Variants in PEX14 observed in about 807,000 individuals in gnomAD.
PEX14 encodes peroxisomal membrane protein PEX14.
A neutral mutation model predicts 49.5 loss-of-function variants in PEX14; 15 were observed. The observed-to-expected ratio is 0.30, with a 90% confidence interval of 0.20 to 0.47. PEX14 has a LOEUF of 0.47. PEX14 is among the 20% of genes least tolerant of loss of function. The probability of loss-of-function intolerance (pLI) is 1.00; values close to 1 mark genes in which losing one functional copy is unlikely to be tolerated. For missense variants in PEX14, 398 were observed against 494.8 expected (o/e 0.80, Z 1.86); for synonymous variants, 210 against 212.7 (o/e 0.99, Z 0.11).
chr1:10,563,684 G>C (rs1639719262), intron 3 of PEX14, among the ~76,000 whole-genome samples: 1 of 152,126 alleles, frequency 6.6e-6, no homozygotes, highest in Non-Finnish European at 1.5e-5. Flanking sequence ...CAGCACCTTG[G>C]GAGGCCGAGG....
At chr1:10,625,769 T>C (rs1435042884) in intron 7 of PEX14, among the ~76,000 whole-genome samples, 1 of 152,256 alleles carries the variant, frequency 6.6e-6, no homozygotes, top group Non-Finnish European at 1.5e-5. Context: ...GAAAACTGTT[T>C]TCAGGCCTTA....
intron 2 of PEX14, among the ~76,000 whole-genome samples, chr1:10,508,923 G>A (rs1641836248): frequency 6.6e-6 from 1 of 150,986 alleles, no homozygotes; most frequent in Non-Finnish European, 1.5e-5. Flanking sequence ...TGGCATTCCT[G>A]AAAGACAAAG....
chr1:10,576,866 C>T (rs966823950), intron 3 of PEX14, among the ~76,000 whole-genome samples: 2 of 151,712 alleles, frequency 1.3e-5, no homozygotes, highest in Non-Finnish European at 2.9e-5. Flanking sequence ...AAGTGATTCT[C>T]CTGCCTCTGC....
intron 5 of PEX14, among the ~76,000 whole-genome samples, chr1:10,621,471 C>T (rs1455391236): frequency 1.3e-5 from 2 of 151,886 alleles, no homozygotes; most frequent in African/African-American, 2.4e-5. Flanking sequence ...CACAGCCTCC[C>T]GAGGAGCTGG....
intron 3 of PEX14, among the ~76,000 whole-genome samples, chr1:10,578,103 T>C (rs1197942633): frequency 6.6e-6 from 1 of 152,082 alleles, no homozygotes. Flanking sequence ...AAATTGAAGA[T>C]GGCAATCATA....
intron 1 of PEX14, among the ~76,000 whole-genome samples, chr1:10,485,517 C>T (rs1174697733): frequency 6.6e-6 from 1 of 150,984 alleles, no homozygotes; most frequent in African/African-American, 2.5e-5. Flanking sequence ...GGGGGTCTTG[C>T]TGTGTTGCGC....
At chr1:10,555,570 C>G (rs1035947560) in intron 3 of PEX14, among the ~76,000 whole-genome samples, 1 of 152,068 alleles carries the variant, frequency 6.6e-6, no homozygotes, top group Non-Finnish European at 1.5e-5. Context: ...GAAATTAGAG[C>G]TCTAATCCTC....
intron 2 of PEX14, among the ~76,000 whole-genome samples, chr1:10,519,672 C>T (rs912563603): frequency 6.6e-6 from 1 of 152,250 alleles, no homozygotes; most frequent in Non-Finnish European, 1.5e-5. Context: ...TACAGAGACA[C>T]TGCCCTATGT....
At chr1:10,622,210 G>A (rs1023116723) in intron 5 of PEX14, among the ~76,000 whole-genome samples, 3 of 152,148 alleles carry the variant, frequency 2.0e-5, no homozygotes, top group African/African-American at 7.2e-5. Context: ...GCTCCTTCGG[G>A]CATCCCTGGT....
At chr1:10,568,784 G>C (rs1487605700) in intron 3 of PEX14, among the ~76,000 whole-genome samples, 2 of 152,112 alleles carry the variant, frequency 1.3e-5, no homozygotes, top group Non-Finnish European at 2.9e-5. Context: ...CTGTTGCCCT[G>C]GCTGGAGTGC....
At chr1:10,507,843 TC>T (rs1641813747) in intron 2 of PEX14, among the ~76,000 whole-genome samples, 1 of 152,234 alleles carries the variant, frequency 6.6e-6, no homozygotes, top group South Asian at 2.1e-4. Context: ...ATCCACAAAT[TC>T]CTCATTGTCA....
chr1:10,511,807 C>G (rs1265342361), intron 2 of PEX14, among the ~76,000 whole-genome samples: 1 of 152,100 alleles, frequency 6.6e-6, no homozygotes, highest in Non-Finnish European at 1.5e-5. Context: ...GACCTGTGAC[C>G]TCTTTGACTT....
In PEX14 at chr1:10,495,231, G is replaced by A. The variant is rs1366556634; in HGVS notation, c.37-43G>A. On this transcript the variant is annotated intron_variant, in intron 1 of 8. Coordinates refer to ENST00000356607, the MANE Select transcript of PEX14 (RefSeq NM_004565.3). This position sits in a 1 kb window ranked among gnomAD's most constrained non-coding sequence, Gnocchi z 4.2. ...ATCTTTGGTTTTTTGATGTCCATTG[G>A]GTGGCACTGTGATCTTATTTTTGTT... The A allele has an allele frequency of 6.2e-7, 1 of 1,600,178 alleles. No homozygotes were observed. Among genetic ancestry groups the A allele is most frequent in the Non-Finnish European group, 8.6e-7 (1 of 1,167,574 alleles).
intron 3 of PEX14, among the ~76,000 whole-genome samples, chr1:10,592,290 CA>C (rs1640691103): frequency 6.6e-6 from 1 of 152,092 alleles, no homozygotes; most frequent in Admixed American, 6.5e-5. Context: ...TACCTGTTGC[CA>C]AAGACCTGCT....
Position 10,624,360 on chromosome 1 carries a change from C to T in PEX14, c.508C>T (p.Leu170Phe), listed in dbSNP as rs368473343. 6.2e-7 allele frequency: 1 copy of T among 1,613,028 alleles called. No individual in the cohort carries two copies. Residue 170 changes from leucine (L) to phenylalanine (F), a missense_variant, in exon 7 of 9, where the codon CTC becomes TTC. Physicochemically the swap from Leu to Phe is conservative, Grantham distance 22. Transcript: ENST00000356607. ...CGCAGTGACTCAGTTACAGACGACC[C>T]TCGCCTCCGTCCAGGAGCTGCTGAT... ...AQTVTQLQTT[L>F]ASVQELLIQQ...
At chr1:10,505,746 T>G (rs1237939588) in intron 2 of PEX14, among the ~76,000 whole-genome samples, 2 of 151,292 alleles carry the variant, frequency 1.3e-5, no homozygotes, top group Non-Finnish European at 2.9e-5. Context: ...AGTGGCATGA[T>G]CATGGTTCAC....
chr1:10,606,263 A>G (rs1313471479), intron 4 of PEX14, among the ~76,000 whole-genome samples: 1 of 152,222 alleles, frequency 6.6e-6, no homozygotes, highest in Non-Finnish European at 1.5e-5. Context: ...CTCGTGGTGC[A>G]GTGTGAATGC....
intron 3 of PEX14, among the ~76,000 whole-genome samples, chr1:10,543,987 A>G (rs2124496932): frequency 1.3e-5 from 2 of 152,348 alleles, no homozygotes; most frequent in South Asian, 4.1e-4. Context: ...AAGACCAGCC[A>G]CAAAGATGGT....
chr1:10,597,766 GT>G lies in PEX14; in HGVS notation c.170-1468del, dbSNP rs1640869580. 1.3e-5 allele frequency among the ~76,000 whole-genome samples: 2 copies of G among 152,218 alleles called. No individual in the cohort carries two copies. Among genetic ancestry groups the G allele is most frequent in the South Asian group, 4.1e-4 (2 of 4,836 alleles). ...GAGGGTAAAGAGGGGAACAGCTGCAGTTTTAAATGGGGATAGTCCTCAACTC... is the reference window on the plus strand; with the variant it reads ...GAGGGTAAAGAGGGGAACAGCTGCAGTTTAAATGGGGATAGTCCTCAACTC... On this transcript the variant is annotated intron_variant, in intron 3 of 8. Transcript: ENST00000356607. This position sits in a 1 kb window ranked among gnomAD's most constrained non-coding sequence, Gnocchi z 5.7.
Sources: gnomAD v4.1 joint callset for allele counts (sites outside exome capture counted in the v4.1 genomes callset) on GRCh38, gnomAD v4.1.1 for gene constraint, Gnocchi (gnomAD v3.1) non-coding constraint, MANE v1.5 for transcripts, NCBI Gene and HGNC (gene_info 2026-07-23, HGNC 2026-07-21) for gene names.